SUGCT: variants seen among roughly 807,000 people sequenced by gnomAD.
The protein encoded by SUGCT is succinyl-CoA:glutarate-CoA transferase, also known as succinyl-CoA:glutarate CoA-transferase.
In SUGCT, 41 loss-of-function variants were observed where a neutral mutation model predicts 55.0. The ratio of observed to expected loss-of-function variants is 0.74; its 90% CI spans 0.58 to 0.97. The LOEUF (loss-of-function observed/expected upper bound fraction) is 0.97, where lower values mean the gene tolerates loss of function less well. SUGCT is among the 50% of genes least tolerant of loss of function. The pLI is 0.00. For missense variants in SUGCT, 568 were observed against 547.8 expected (o/e 1.04, Z -0.37); for synonymous variants, 187 against 200.4 (o/e 0.93, Z 0.56).
chr7:40,573,841 G>A (rs569124788), intron 12 of SUGCT, among the ~76,000 whole-genome samples: 68 of 152,186 alleles, frequency 4.5e-4, no homozygotes, highest in African/African-American at 1.6e-3. Flanking sequence ...TGACTTCCTG[G>A]CTCTCTTTCC....
chr7:40,139,171 T>TC (rs1400093734), intron 1 of SUGCT, among the ~76,000 whole-genome samples: 46 of 149,792 alleles, frequency 3.1e-4, no homozygotes, highest in Middle Eastern at 3.4e-3. Context: ...AATAAATAAA[T>TC]AAATAAATCC....
At chr7:40,902,438 G>T in the SUGCT span, among the ~76,000 whole-genome samples, 1 of 151,654 alleles carries the variant, frequency 6.6e-6, no homozygotes, top group Admixed American at 6.6e-5. Context: ...AAATTAACCG[G>T]GCTTGGTGGC....
At chr7:40,595,429 A>C (rs1258034330) in intron 12 of SUGCT, among the ~76,000 whole-genome samples, 1 of 152,190 alleles carries the variant, frequency 6.6e-6, no homozygotes, top group Non-Finnish European at 1.5e-5. Context: ...GTGAAAGTTG[A>C]AAAGCATTGC....
chr7:40,871,276 C>T, the SUGCT span, among the ~76,000 whole-genome samples: 1 of 152,194 alleles, frequency 6.6e-6, no homozygotes, highest in Non-Finnish European at 1.5e-5. Flanking sequence ...AGAGGTATGG[C>T]ATCTTCCTTT....
chr7:40,881,385 A>G, the SUGCT span, among the ~76,000 whole-genome samples: 1 of 152,016 alleles, frequency 6.6e-6, no homozygotes, highest in East Asian at 1.9e-4. Context: ...TAGAAAAGCA[A>G]TTCTTCTGGG....
intron 12 of SUGCT, among the ~76,000 whole-genome samples, chr7:40,670,011 A>G (rs1801853625): frequency 6.6e-6 from 1 of 151,728 alleles, no homozygotes; most frequent in African/African-American, 2.4e-5. Flanking sequence ...AAAACTAAAA[A>G]CTAAAGACAC....
rs1426354997 is a variant in SUGCT, at chr7:40,676,892, G to A, written c.1090-72542G>A. Among the ~76,000 whole-genome samples the A allele has an allele frequency of 4.7e-5, 5 of 106,642 alleles. No homozygotes were observed. The East Asian group carries it at 1.6e-3, about 34-fold the overall frequency. 70.0% of individuals were successfully genotyped at this position (106,642 alleles called of 152,430 possible). Reference sequence around the variant, plus strand: ...ACATACAAATGCAAACTTTCAGAATGACGTGTGTGTGTGTGTGTGTGTGTG... The same window carrying A: ...ACATACAAATGCAAACTTTCAGAATAACGTGTGTGTGTGTGTGTGTGTGTG... On this transcript the variant is annotated intron_variant, in intron 12 of 13. Coordinates refer to ENST00000335693, the MANE Select transcript of SUGCT (RefSeq NM_001193313.2).
chr7:40,671,998 G>A (rs951725126), intron 12 of SUGCT, among the ~76,000 whole-genome samples: 2 of 152,140 alleles, frequency 1.3e-5, no homozygotes, highest in Non-Finnish European at 2.9e-5. Context: ...ATAGATCAGT[G>A]AACAGAAGAG....
intron 12 of SUGCT, among the ~76,000 whole-genome samples, chr7:40,717,779 G>T (rs569837430): frequency 6.6e-6 from 1 of 152,202 alleles, no homozygotes; most frequent in Admixed American, 6.5e-5. Flanking sequence ...TCACTGCATC[G>T]TTTGGTTCCA....
chr7:40,831,200 T>C (rs1792646658), intron 13 of SUGCT, among the ~76,000 whole-genome samples: 1 of 152,184 alleles, frequency 6.6e-6, no homozygotes, highest in Non-Finnish European at 1.5e-5. Flanking sequence ...AAAGCCTGTG[T>C]CCTATCAACA....
intron 13 of SUGCT, among the ~76,000 whole-genome samples, chr7:40,847,306 A>G (rs570603063): frequency 6.6e-6 from 1 of 152,074 alleles, no homozygotes; most frequent in East Asian, 1.9e-4. Context: ...TGGAACAGTC[A>G]CCATTCTCAC....
intron 9 of SUGCT, among the ~76,000 whole-genome samples, chr7:40,433,592 G>T (rs577060126): frequency 1.3e-5 from 2 of 152,204 alleles, no homozygotes; most frequent in Non-Finnish European, 2.9e-5. Flanking sequence ...TGATGCAGTT[G>T]ATTTGTGCCA....
chr7:40,820,324 G>A (rs1791919839), intron 13 of SUGCT, among the ~76,000 whole-genome samples: 2 of 152,006 alleles, frequency 1.3e-5, no homozygotes, highest in South Asian at 4.2e-4. Context: ...AGCTTGATGG[G>A]GATGGCACTG....
chr7:40,853,051 C>T (rs1239839635), intron 13 of SUGCT, among the ~76,000 whole-genome samples: 1 of 150,408 alleles, frequency 6.6e-6, no homozygotes, highest in Non-Finnish European at 1.5e-5. Context: ...TTTGTTTATT[C>T]CCACAACCAC....
chr7:40,279,369 C>G (rs1792797113), intron 8 of SUGCT, among the ~76,000 whole-genome samples: 1 of 152,048 alleles, frequency 6.6e-6, no homozygotes, highest in Non-Finnish European at 1.5e-5. Context: ...TTAACTCCAC[C>G]CAAACTGTGT....
intron 12 of SUGCT, among the ~76,000 whole-genome samples, chr7:40,585,681 TTTTTG>T (rs1797337942): frequency 6.6e-6 from 1 of 152,006 alleles, no homozygotes; most frequent in South Asian, 2.1e-4. Flanking sequence ...CCTCTAAACT[TTTTTG>T]TTTTGTTTTT....
At chr7:40,393,305 A>G (rs1785542352) in intron 9 of SUGCT, among the ~76,000 whole-genome samples, 1 of 152,174 alleles carries the variant, frequency 6.6e-6, no homozygotes, top group African/African-American at 2.4e-5. Flanking sequence ...TTTCAGAAAA[A>G]TGTTAAACAT....
At chr7:40,234,729 TG>T (rs1375036933) in intron 6 of SUGCT, among the ~76,000 whole-genome samples, 2 of 151,888 alleles carry the variant, frequency 1.3e-5, no homozygotes, top group Non-Finnish European at 2.9e-5. Context: ...GGCAACATAG[TG>T]AAATCCCATC....
chr7:40,666,874 A>G (rs899491911), intron 12 of SUGCT, among the ~76,000 whole-genome samples: 1 of 152,156 alleles, frequency 6.6e-6, no homozygotes, highest in Non-Finnish European at 1.5e-5. Context: ...GAAAGTGCTC[A>G]TGGGAGCACT....
Sources: allele counts gnomAD v4.1 joint callset (sites outside exome capture counted in the v4.1 genomes callset), GRCh38; gene constraint gnomAD v4.1.1; transcripts MANE v1.5; gene names NCBI Gene and HGNC (gene_info 2026-07-23, HGNC 2026-07-21).